NFIX: variants seen among roughly 807,000 people sequenced by gnomAD.
NFIX encodes the protein nuclear factor I X.
In NFIX, 2 loss-of-function variants were observed where a neutral mutation model predicts 53.3. The ratio of observed to expected loss-of-function variants is 0.04; its 90% CI spans 0.02 to 0.12. The LOEUF is 0.12. NFIX is among the 10% of genes least tolerant of loss of function. The probability of loss-of-function intolerance (pLI) is 1.00; values close to 1 mark genes in which losing one functional copy is unlikely to be tolerated. For missense variants in NFIX, 310 were observed against 674.5 expected, an observed-to-expected ratio of 0.46 and a Z score of 5.99; for synonymous variants, 244 against 289.0, an observed-to-expected ratio of 0.84 and a Z score of 1.58.
At position 13,012,181 on chromosome 19, in the gene NFIX, C is replaced by CAGGCA. The variant is rs2012390233; in HGVS notation, c.28-12840_28-12839insAGGCA. 2 of 152,278 alleles carry CAGGCA rather than the reference C, an allele frequency of 1.3e-5. No homozygotes were observed. Among genetic ancestry groups the CAGGCA allele is most frequent in the Non-Finnish European group, 2.9e-5 (2 of 68,090 alleles). The allele number at this position is 152,278 out of a possible 1,614,324, so 9.4% of individuals were successfully genotyped here. On this transcript the variant is annotated intron_variant, in intron 1 of 10. Coordinates refer to ENST00000592199, the MANE Select transcript of NFIX (RefSeq NM_001365902.3). The surrounding 1 kb of genome is among the most constrained non-coding windows in gnomAD (Gnocchi z 5.0). ...CGAGGCCCCGGATGTCAGACGCGAC[C>CAGGCA]TGTGTGGCATGTACCAGGCTGGCTC...
chr19:13,034,871 C>T (rs1166541672), intron 2 of NFIX, among the ~76,000 whole-genome samples: 2 of 152,146 alleles, frequency 1.3e-5, no homozygotes, highest in Admixed American at 1.3e-4. Flanking sequence ...TAGACAGAGG[C>T]TTACCTCTCA....
rs2012220625 is a variant in NFIX, at chr19:13,009,625, T to C, written c.27+13761T>C. ...CAAGAAACAGGAGGAAGAGGCTTCC[T>C]GATTCCCCGCTTAAGGGTGTTCAAA... On this transcript the variant is annotated intron_variant, in intron 1 of 10. Transcript: ENST00000592199. The surrounding 1 kb of genome is among the most constrained non-coding windows in gnomAD (Gnocchi z 4.7). Among the ~76,000 whole-genome samples the C allele has an allele frequency of 6.6e-6, 1 of 152,238 alleles. No individual in the cohort carries two copies. The highest frequency in any genetic ancestry group is 6.5e-5 in the Admixed American group (1 of 15,290).
intron 2 of NFIX, among the ~76,000 whole-genome samples, chr19:13,041,999 G>T (rs894886203): frequency 5.3e-5 from 8 of 151,722 alleles, no homozygotes; most frequent in Non-Finnish European, 1.2e-4. Context: ...CCAGATTCAC[G>T]CCATTCTGCT....
chr19:13,062,914 G>A (rs1016391219), intron 2 of NFIX, among the ~76,000 whole-genome samples: 1 of 152,150 alleles, frequency 6.6e-6, no homozygotes, highest in Non-Finnish European at 1.5e-5. Flanking sequence ...GGGGAGGCAG[G>A]TGGCTTCAGC....
At position 13,093,889 on chromosome 19, in the gene NFIX, C is replaced by T. The variant is rs2018284727; in HGVS notation, c.1495-746C>T. Among the ~76,000 whole-genome samples the T allele has an allele frequency of 6.6e-6, 1 of 152,172 alleles. No individual in the cohort carries two copies. The highest frequency in any genetic ancestry group is 1.5e-5 in the Non-Finnish European group (1 of 68,016). On this transcript the variant is annotated intron_variant, in intron 10 of 10. Transcript: ENST00000592199. The surrounding 1 kb of genome is among the most constrained non-coding windows in gnomAD (Gnocchi z 4.7). Reference sequence around the variant, plus strand: ...GCAGCCCAGACCCTTGGGGTCTGCCCTGGGTGTGCTCTGAGCTGAGCCACC... The same window carrying T: ...GCAGCCCAGACCCTTGGGGTCTGCCTTGGGTGTGCTCTGAGCTGAGCCACC...
At position 13,005,661 on chromosome 19, in the gene NFIX, G is replaced by A. The variant is rs538496248; in HGVS notation, c.27+9797G>A. On this transcript the variant is annotated intron_variant, in intron 1 of 10. Coordinates refer to ENST00000592199, the MANE Select transcript of NFIX (RefSeq NM_001365902.3). This position sits in a 1 kb window ranked among gnomAD's most constrained non-coding sequence, Gnocchi z 4.7. ...GGCGGGGAGCTCTTTCTTCAAGATC[G>A]TCACCACCCTAAATCCTGCCGATGG... is the stretch of plus-strand genomic sequence containing the variant. 7.9e-5 allele frequency among the ~76,000 whole-genome samples: 12 copies of A among 152,226 alleles called. No homozygotes were observed. Among genetic ancestry groups the A allele is most frequent in the Middle Eastern group, 3.4e-3 (1 of 294 alleles).
intron 2 of NFIX, among the ~76,000 whole-genome samples, chr19:13,056,563 A>T (rs2015707793): frequency 6.6e-6 from 1 of 152,066 alleles, no homozygotes. Flanking sequence ...AGGATGCTTC[A>T]TTTGAAATTC....
rs947742647 is a variant in NFIX, at chr19:13,022,682, G to A, written c.28-2339G>A. On this transcript the variant is annotated intron_variant, in intron 1 of 10. Transcript: ENST00000592199. The surrounding 1 kb of genome is among the most constrained non-coding windows in gnomAD (Gnocchi z 4.5). ...ACTGAAACCAAAACACAGAGAGAAGGCGCAGCTGCTTCCCCAAGGCCTTCT... is the reference window on the plus strand; with the variant it reads ...ACTGAAACCAAAACACAGAGAGAAGACGCAGCTGCTTCCCCAAGGCCTTCT... Among the ~76,000 whole-genome samples, 1 of 152,054 alleles carries A rather than the reference G, an allele frequency of 6.6e-6. No homozygotes were observed. Among genetic ancestry groups the A allele is most frequent in the African/African-American group, 2.4e-5 (1 of 41,392 alleles).
rs1474972478 is a variant in NFIX at position 13,001,810 on chromosome 19, G to A, written c.27+5946G>A. ...CACCATGTGAGATGCCTGCTATGGCGGCCGGGCAAGCGGCTGGGAGCGGGC... is the reference window on the plus strand; with the variant it reads ...CACCATGTGAGATGCCTGCTATGGCAGCCGGGCAAGCGGCTGGGAGCGGGC... On this transcript the variant is annotated intron_variant, in intron 1 of 10. Transcript: ENST00000592199. The surrounding 1 kb of genome is among the most constrained non-coding windows in gnomAD (Gnocchi z 6.5). 1.3e-5 allele frequency among the ~76,000 whole-genome samples: 2 copies of A among 152,200 alleles called. No homozygotes were observed. The highest frequency in any genetic ancestry group is 1.3e-4 in the Admixed American group (2 of 15,284).
rs1415223834 is a variant in NFIX, at chr19:13,078,286, A to T, written c.956-327A>T. ...TTTCCCAATGTTGGTCCTGCATCCC[A>T]CCCTTTCACTTCATTACCTGCTTGC... On this transcript the variant is annotated intron_variant, in intron 6 of 10. Coordinates refer to ENST00000592199, the MANE Select transcript of NFIX (RefSeq NM_001365902.3). The surrounding 1 kb of genome is among the most constrained non-coding windows in gnomAD (Gnocchi z 4.7). Among the ~76,000 whole-genome samples, 1 of 151,258 alleles carries T rather than the reference A, an allele frequency of 6.6e-6. No homozygotes were observed. The highest frequency in any genetic ancestry group is 2.4e-5 in the African/African-American group (1 of 41,112).
At position 13,097,647 on chromosome 19, in the gene NFIX, G is replaced by A. The variant is rs2018538076; in HGVS notation, c.*2998G>A. ...GCCCCATCCCCGTCCGGGTACGGGG[G>A]CGCGGCAGGGGTCCCCGGCCCCTCC... On this transcript the variant is annotated 3_prime_UTR_variant, in exon 11 of 11. Coordinates refer to ENST00000592199, the MANE Select transcript of NFIX (RefSeq NM_001365902.3). The A allele has an allele frequency of 6.6e-6, 1 of 151,408 alleles. No individual in the cohort carries two copies. Among genetic ancestry groups the A allele is most frequent in the Non-Finnish European group, 1.5e-5 (1 of 67,784 alleles). 9.4% of individuals were successfully genotyped at this position (151,408 alleles called of 1,614,324 possible).
At position 12,995,825 on chromosome 19, in the gene NFIX, C is replaced by A; in HGVS notation, c.-13C>A. The A allele has an allele frequency of 1.0e-6, 1 of 999,138 alleles. No homozygotes were observed. The highest frequency in any genetic ancestry group is 4.2e-5 in the South Asian group (1 of 23,814). The allele number at this position is 999,138 out of a possible 1,614,324, so 61.9% of individuals were successfully genotyped here. Reference sequence around the variant, plus strand: ...CGCGGCCGGCCGCCGCGCTCCCGCCCGGGCGCCCAGCTATGTACTCCCCGT... The same window carrying A: ...CGCGGCCGGCCGCCGCGCTCCCGCCAGGGCGCCCAGCTATGTACTCCCCGT... On this transcript the variant is annotated 5_prime_UTR_variant, in exon 1 of 11. Coordinates refer to ENST00000592199, the MANE Select transcript of NFIX (RefSeq NM_001365902.3).
intron 1 of NFIX, among the ~76,000 whole-genome samples, chr19:12,999,542 C>T (rs1350969771): frequency 6.6e-6 from 1 of 152,144 alleles, no homozygotes; most frequent in Non-Finnish European, 1.5e-5. Flanking sequence ...GTGCTTCCCC[C>T]TCCTTGCCAC....
At chr19:13,055,753 G>A (rs1220738374) in intron 2 of NFIX, among the ~76,000 whole-genome samples, 2 of 152,176 alleles carry the variant, frequency 1.3e-5, no homozygotes, top group Non-Finnish European at 2.9e-5. Flanking sequence ...CTGGCCCCAG[G>A]TTCCCCAGCC....
intron 8 of NFIX, among the ~76,000 whole-genome samples, chr19:13,087,235 A>G (rs2017833218): frequency 6.6e-6 from 1 of 152,176 alleles, no homozygotes; most frequent in South Asian, 2.1e-4. Context: ...GAGAAAATCC[A>G]GTTAGAAGCA....
intron 2 of NFIX, among the ~76,000 whole-genome samples, chr19:13,033,728 C>G (rs183901458): frequency 5.5e-4 from 84 of 152,328 alleles, no homozygotes; most frequent in African/African-American, 1.8e-3. Flanking sequence ...CACCCTGATT[C>G]TAGTTTTAAG....
At position 13,072,998 on chromosome 19, in the gene NFIX, A is replaced by G; in HGVS notation, c.560-49A>G. 1 of 1,577,750 alleles carries G rather than the reference A, an allele frequency of 6.3e-7. No individual in the cohort carries two copies. Among genetic ancestry groups the G allele is most frequent in the Non-Finnish European group, 8.7e-7 (1 of 1,147,196 alleles). On this transcript the variant is annotated intron_variant, in intron 2 of 10. Transcript: ENST00000592199. The surrounding 1 kb of genome is among the most constrained non-coding windows in gnomAD (Gnocchi z 4.0). Reference sequence around the variant, plus strand: ...AGGGGCCAATGCTTGGCTGGTGCTTATGGGGAACTTTGCTCCTGATACATT... The same window carrying G: ...AGGGGCCAATGCTTGGCTGGTGCTTGTGGGGAACTTTGCTCCTGATACATT...
chr19:13,092,573 G>C (rs1478667962), intron 10 of NFIX, among the ~76,000 whole-genome samples: 2 of 152,216 alleles, frequency 1.3e-5, no homozygotes, highest in African/African-American at 4.8e-5. Flanking sequence ...GGCCCTCCCT[G>C]TCCTATTGTC....
intron 1 of NFIX, chr19:13,024,402 T>C (rs1235733802): frequency 1.1e-5 from 10 of 879,994 alleles, no homozygotes; most frequent in Non-Finnish European, 1.2e-5. Context: ...ATGTTCCAAC[T>C]GGATCAGGAG....
Sources: allele counts gnomAD v4.1 joint callset (sites outside exome capture counted in the v4.1 genomes callset), GRCh38; gene constraint gnomAD v4.1.1; non-coding constraint Gnocchi (gnomAD v3.1); transcripts MANE v1.5; gene names NCBI Gene and HGNC (gene_info 2026-07-23, HGNC 2026-07-21).